The following ADGRL3 variants were observed in gnomAD, a reference collection of about 807,000 sequenced individuals.
ADGRL3 encodes adhesion G protein-coupled receptor L3, also known as calcium-independent alpha-latrotoxin receptor 3.
Under a neutral mutation model 153.5 loss-of-function variants are expected in ADGRL3, and 62 were observed. The ratio of observed to expected loss-of-function variants is 0.40; its 90% CI spans 0.33 to 0.50. ADGRL3 has a LOEUF of 0.50. Ranked by LOEUF, ADGRL3 falls within the 20% of genes least tolerant of loss-of-function variation. The pLI is 0.47. For missense variants in ADGRL3, 1,641 were observed against 1,859.4 expected (o/e 0.88, Z 2.16); for synonymous variants, 710 against 672.5 (o/e 1.06, Z -0.86).
At chr4:61,365,240 C>CA (rs1367678123) in intron 1 of ADGRL3, among the ~76,000 whole-genome samples, 2 of 97,578 alleles carry the variant, frequency 2.0e-5, no homozygotes, top group Non-Finnish European at 4.4e-5. Flanking sequence ...TGGAAGATCA[C>CA]AAAAAAATTA....
intron 2 of ADGRL3, among the ~76,000 whole-genome samples, chr4:61,436,783 AG>A (rs2097451828): frequency 6.6e-6 from 1 of 152,134 alleles, no homozygotes; most frequent in Non-Finnish European, 1.5e-5. Context: ...TAAGGTTTAT[AG>A]AGGGGAACAT....
At chr4:61,381,140 G>A (rs1329093361) in intron 1 of ADGRL3, among the ~76,000 whole-genome samples, 1 of 151,902 alleles carries the variant, frequency 6.6e-6, no homozygotes, top group East Asian at 1.9e-4. Context: ...TAGCCAAAGT[G>A]TAAATGGAAG....
chr4:61,357,779 T>A (rs2096205099), intron 1 of ADGRL3, among the ~76,000 whole-genome samples: 1 of 152,132 alleles, frequency 6.6e-6, no homozygotes, highest in South Asian at 2.1e-4. Flanking sequence ...AAGAAAAACA[T>A]AAACTGAGTA....
intron 24 of ADGRL3, among the ~76,000 whole-genome samples, chr4:62,039,360 A>G (rs952380825): frequency 6.6e-6 from 1 of 152,200 alleles, no homozygotes; most frequent in African/African-American, 2.4e-5. Flanking sequence ...TTCCTCACCA[A>G]TTGAGTTTTA....
At chr4:61,205,900 C>T (rs556342604) in intron 1 of ADGRL3, among the ~76,000 whole-genome samples, 1 of 152,154 alleles carries the variant, frequency 6.6e-6, no homozygotes, top group African/African-American at 2.4e-5. Context: ...TGTCATTACT[C>T]TGATCTGAGT....
chr4:61,490,324 ATTCTCTTCCTCATTGTTTCC>A (rs1243355338), intron 2 of ADGRL3, among the ~76,000 whole-genome samples: 46 of 151,318 alleles, frequency 3.0e-4, no homozygotes, highest in African/African-American at 9.5e-4. Flanking sequence ...TCTCATCTTC[ATTCTCTTCCTCATTGTTTCC>A]TTCTCTTCCT....
intron 1 of ADGRL3, among the ~76,000 whole-genome samples, chr4:61,215,446 GTT>G (rs1240283451): frequency 2.0e-5 from 3 of 151,624 alleles, no homozygotes; most frequent in Non-Finnish European, 4.4e-5. Flanking sequence ...ACTCTCCTGG[GTT>G]TTAGTTTCCT....
At chr4:61,586,571 G>C (rs1407038507) in intron 4 of ADGRL3, among the ~76,000 whole-genome samples, 1 of 151,948 alleles carries the variant, frequency 6.6e-6, no homozygotes. Flanking sequence ...ACACACACAT[G>C]TCTGTTTCTG....
In ADGRL3 at chr4:61,272,868, T is replaced by C. The variant is rs183383681; in HGVS notation, c.-240+71103T>C. ...CTCTACTAAAGTAGTATGTTGAAGA[T>C]AAGTCAAATCAGCTTTTAGCTATTG... On this transcript the variant is annotated intron_variant, in intron 1 of 26. Coordinates refer to ENST00000683033, the MANE Select transcript of ADGRL3 (RefSeq NM_001387552.1). 9.9e-5 allele frequency among the ~76,000 whole-genome samples: 15 copies of C among 152,274 alleles called. No homozygotes were observed. The East Asian group carries it at 2.9e-3, about 29-fold the overall frequency.
intron 1 of ADGRL3, among the ~76,000 whole-genome samples, chr4:61,358,732 G>A (rs998532402): frequency 9.9e-5 from 15 of 151,544 alleles, no homozygotes; most frequent in African/African-American, 3.6e-4. Flanking sequence ...GATTTCTCAT[G>A]ATCCTCTCTA....
intron 3 of ADGRL3, among the ~76,000 whole-genome samples, chr4:61,515,473 T>C (rs1254747237): frequency 6.6e-6 from 1 of 152,158 alleles, no homozygotes; most frequent in Non-Finnish European, 1.5e-5. Context: ...TATTTTCTAA[T>C]TTCCCTTACC....
At position 61,892,911 on chromosome 4, in the gene ADGRL3, C is replaced by T. The variant is rs1198432870; in HGVS notation, c.1736C>T (p.Thr579Ile). 6.4e-7 allele frequency: 1 copy of T among 1,573,324 alleles called. No homozygotes were observed. Among genetic ancestry groups the T allele is most frequent in the East Asian group, 2.2e-5 (1 of 44,704 alleles). The change falls in exon 10 of 27, where the codon ACT (threonine) becomes ATT (isoleucine). Residue 579 changes from threonine (T) to isoleucine (I), a missense_variant. Around this residue, in one of 5 missense-constraint regions of ADGRL3, gnomAD observed 734 missense variants for 797.0 expected, o/e 0.92. Coordinates refer to ENST00000683033, the MANE Select transcript of ADGRL3 (RefSeq NM_001387552.1). The stretch of plus-strand genomic sequence containing the variant: ...GCCCGAGAAATCATGTGGTTTAAGA[C>T]TCGTCAAGGACAGATAGCAAAGCAG... ...VEAREIMWFK[T>I]RQGQIAKQPC...
chr4:61,812,290 ACAGT>A (rs2097637666), intron 8 of ADGRL3, among the ~76,000 whole-genome samples: 1 of 152,216 alleles, frequency 6.6e-6, no homozygotes, highest in African/African-American at 2.4e-5. Flanking sequence ...TCTGTATATT[ACAGT>A]CTCTCCACTG....
At chr4:61,369,391 T>G (rs1178658790) in intron 1 of ADGRL3, among the ~76,000 whole-genome samples, 1 of 152,182 alleles carries the variant, frequency 6.6e-6, no homozygotes, top group Non-Finnish European at 1.5e-5. Context: ...CTTATTATTT[T>G]GAGATATGTC....
intron 8 of ADGRL3, among the ~76,000 whole-genome samples, chr4:61,751,955 T>A (rs889927163): frequency 5.3e-5 from 8 of 152,068 alleles, no homozygotes; most frequent in South Asian, 2.1e-4. Flanking sequence ...CTAAAGAAAG[T>A]GATGAAAGAA....
At chr4:62,051,515 A>C (rs186276655) in intron 25 of ADGRL3, among the ~76,000 whole-genome samples, 109 of 151,562 alleles carry the variant, frequency 7.2e-4, no homozygotes, top group African/African-American at 2.4e-3. Flanking sequence ...AAGAAAAAAA[A>C]AATCTTCTTA....
chr4:61,769,197 G>T (rs1203975690), intron 8 of ADGRL3, among the ~76,000 whole-genome samples: 1 of 152,084 alleles, frequency 6.6e-6, no homozygotes, highest in African/African-American at 2.4e-5. Flanking sequence ...CCAAGGGAAG[G>T]CTGCCTTCCC....
At chr4:61,443,997 GTGTCATTGAGAAACAA>G (rs2097554302) in intron 2 of ADGRL3, among the ~76,000 whole-genome samples, 1 of 148,762 alleles carries the variant, frequency 6.7e-6, no homozygotes, top group Non-Finnish European at 1.5e-5. Context: ...ATCAGCGTGA[GTGTCATTGAGAAACAA>G]TGACAGGAAT....
intron 2 of ADGRL3, among the ~76,000 whole-genome samples, chr4:61,467,183 T>C (rs1288893058): frequency 6.6e-6 from 1 of 152,152 alleles, no homozygotes; most frequent in Non-Finnish European, 1.5e-5. Flanking sequence ...TTAATGTTCA[T>C]AAGAGAAGTG....
Sources: allele counts gnomAD v4.1 joint callset (sites outside exome capture counted in the v4.1 genomes callset), GRCh38; gene constraint gnomAD v4.1.1; regional missense constraint gnomAD v4.1.1; transcripts MANE v1.5; gene names NCBI Gene and HGNC (gene_info 2026-07-23, HGNC 2026-07-21).